The following DENND4B variants were observed in gnomAD, a reference collection of about 807,000 sequenced individuals.
DENND4B encodes DENN domain-containing protein 4B.
In DENND4B, 67 loss-of-function variants were observed where a neutral mutation model predicts 161.0. The ratio of observed to expected loss-of-function variants is 0.42; its 90% CI spans 0.34 to 0.51. The LOEUF (loss-of-function observed/expected upper bound fraction) is 0.51. DENND4B is among the 20% of genes least tolerant of loss of function. DENND4B has a pLI of 0.08. For synonymous variants in DENND4B, 753 were observed against 813.8 expected, an observed-to-expected ratio of 0.93 and a Z score of 1.27; for missense variants, 1,481 against 1,968.0, an observed-to-expected ratio of 0.75 and a Z score of 4.68.
chr1:153,942,432 T>A lies in DENND4B; in HGVS notation c.641-76A>T. On this transcript the variant is annotated intron_variant, in intron 4 of 27. Transcript: ENST00000361217. This position sits in a 1 kb window ranked among gnomAD's most constrained non-coding sequence, Gnocchi z 6.9. ...ACTCCAAGGGAAATGAACCAAGGGA[T>A]CCCAGAGAAGGCCCGAGTAGCAAAG... 1 of 1,578,212 alleles carries A rather than the reference T, an allele frequency of 6.3e-7. No individual in the cohort carries two copies. The highest frequency in any genetic ancestry group is 8.6e-7 in the Non-Finnish European group (1 of 1,161,724).
chr1:153,935,318 G>A (rs950055172), intron 17 of DENND4B: 9 of 270,230 alleles, frequency 3.3e-5, no homozygotes, highest in African/African-American at 1.1e-4. Context: ...GCCTGAATTC[G>A]GGAGATATGG....
chr1:153,945,164 G>A (rs1679892410), intron 1 of DENND4B: 1 of 1,289,402 alleles, frequency 7.8e-7, no homozygotes, highest in Non-Finnish European at 1.0e-6. Context: ...CCGGGGAGTA[G>A]GAGCCCCAAG....
rs754352012 is a variant in DENND4B, at chr1:153,939,651, C to T, written c.1757G>A (p.Arg586His). 7.4e-6 allele frequency: 12 copies of T among 1,613,578 alleles called. No individual in the cohort carries two copies. The Admixed American group carries it at 1.0e-4, about 13-fold the overall frequency. ...CTCGGAGGGGGCCTGGGTGAGTGGG[C>T]GCAGGAAGACCCGGTAGCCCTTGAG... ...CLLKGYRVFL[R>H]PLTQAPSEGA... Residue 586 changes from arginine (R) to histidine (H), a missense_variant, in exon 12 of 28, where the codon CGC becomes CAC. Around this residue, in one of 3 missense-constraint regions of DENND4B, gnomAD observed 806 missense variants for 1,134.4 expected, o/e 0.71. Coordinates refer to ENST00000361217, the MANE Select transcript of DENND4B (RefSeq NM_014856.3).
At position 153,937,659 on chromosome 1, in the gene DENND4B, C is replaced by CGAA. The variant is rs768289231; in HGVS notation, c.2106-48_2106-46dup. ...CAACATCGGGGCAGTCAGCACAGGG[C>CGAA]GAAGCGAGTTGGACTGGACCAGTCT... is the stretch of plus-strand genomic sequence containing the variant. On this transcript the variant is annotated intron_variant, in intron 14 of 27. Coordinates refer to ENST00000361217, the MANE Select transcript of DENND4B (RefSeq NM_014856.3). The surrounding 1 kb of genome is among the most constrained non-coding windows in gnomAD (Gnocchi z 4.7). 5.6e-6 allele frequency: 9 copies of CGAA among 1,612,366 alleles called. No individual in the cohort carries two copies. The highest frequency in any genetic ancestry group is 7.6e-6 in the Non-Finnish European group (9 of 1,178,714).
chr1:153,930,363 C>G lies in DENND4B; in HGVS notation c.4425G>C (p.Arg1475=), dbSNP rs758354105. The change falls in exon 28 of 28, where the codon CGG becomes CGC. Residue 1475 remains arginine, a synonymous_variant. Transcript: ENST00000361217. This position sits in a 1 kb window ranked among gnomAD's most constrained non-coding sequence, Gnocchi z 4.7. ...SMGKEELRHR[R]AQMPTPKAID... is the part of the protein sequence containing the mutation. ...TGGCCTTGGGAGTGGGCATCTGCGCCCGCCGGTGCCTCAGCTCCTCCTTGC... is the reference window on the plus strand; with the variant it reads ...TGGCCTTGGGAGTGGGCATCTGCGCGCGCCGGTGCCTCAGCTCCTCCTTGC... 11 of 1,614,054 alleles carry G rather than the reference C, an allele frequency of 6.8e-6. No homozygotes were observed. The East Asian group carries it at 2.0e-4, about 29-fold the overall frequency.
chr1:153,937,905 C>T lies in DENND4B; in HGVS notation c.1966-42G>A. The T allele has an allele frequency of 6.2e-7, 1 of 1,613,104 alleles. No homozygotes were observed. Among genetic ancestry groups the T allele is most frequent in the Non-Finnish European group, 8.5e-7 (1 of 1,179,448 alleles). ...AGAGAGCAAGTGTTGAGATGGTGGG[C>T]ATGGAGCAGAGCCAGGGTGTCTAGA... On this transcript the variant is annotated intron_variant, in intron 13 of 27. Coordinates refer to ENST00000361217, the MANE Select transcript of DENND4B (RefSeq NM_014856.3). This position sits in a 1 kb window ranked among gnomAD's most constrained non-coding sequence, Gnocchi z 4.7.
chr1:153,937,640 CG>C lies in DENND4B; in HGVS notation c.2106-27del, dbSNP rs1557852439. On this transcript the variant is annotated intron_variant, in intron 14 of 27. Transcript: ENST00000361217. The surrounding 1 kb of genome is among the most constrained non-coding windows in gnomAD (Gnocchi z 4.7). Reference sequence around the variant, plus strand: ...CTGGAGGGGCAGAGAGAAGCAACATCGGGGCAGTCAGCACAGGGCGAAGCGA... The same window carrying C: ...CTGGAGGGGCAGAGAGAAGCAACATCGGGCAGTCAGCACAGGGCGAAGCGA... 1 of 1,611,392 alleles carries C rather than the reference CG, an allele frequency of 6.2e-7. No individual in the cohort carries two copies. The highest frequency in any genetic ancestry group is 8.5e-7 in the Non-Finnish European group (1 of 1,178,118).
rs746459829 is a variant in DENND4B at position 153,934,164 on chromosome 1, T to C, written c.2912A>G (p.Gln971Arg). ...GGCCACACCGGCCTCCACAGTGGGC[T>C]GTGCCCCTCGGGCACTGCCCAGGCT... ...SGSLGSARGA[Q>R]PTVEAGVAHM... The change falls in exon 19 of 28, where the codon CAG becomes CGG. Residue 971 changes from glutamine (Q) to arginine (R), a missense_variant. Gln to Arg is a conservative substitution (Grantham distance 43). Transcript: ENST00000361217. The surrounding 1 kb of genome is among the most constrained non-coding windows in gnomAD (Gnocchi z 5.3). 2.5e-6 allele frequency: 4 copies of C among 1,586,566 alleles called. No homozygotes were observed. Among genetic ancestry groups the C allele is most frequent in the Non-Finnish European group, 3.4e-6 (4 of 1,172,450 alleles).
In DENND4B at chr1:153,930,238, T is replaced by C; in HGVS notation, c.*59A>G. ...GAAGGCAACAGGGAAGCAGTTTAAC[T>C]CTAGAATCCCTTCTTCCTCACTTCC... On this transcript the variant is annotated 3_prime_UTR_variant, in exon 28 of 28. Coordinates refer to ENST00000361217, the MANE Select transcript of DENND4B (RefSeq NM_014856.3). This position sits in a 1 kb window ranked among gnomAD's most constrained non-coding sequence, Gnocchi z 4.7. The C allele has an allele frequency of 6.4e-7, 1 of 1,565,358 alleles. No homozygotes were observed. The highest frequency in any genetic ancestry group is 8.7e-7 in the Non-Finnish European group (1 of 1,151,550).
In DENND4B at chr1:153,932,563, C is replaced by T. The variant is rs1276568564; in HGVS notation, c.3759+79G>A. On this transcript the variant is annotated intron_variant, in intron 23 of 27. Coordinates refer to ENST00000361217, the MANE Select transcript of DENND4B (RefSeq NM_014856.3). The surrounding 1 kb of genome is among the most constrained non-coding windows in gnomAD (Gnocchi z 5.8). ...CTTGCCCTCAAGGGCAAGAGATGTG[C>T]CCATCTCTCCCTGGCACCCCACAGG... 1.3e-6 allele frequency: 2 copies of T among 1,568,094 alleles called. No homozygotes were observed. Among genetic ancestry groups the T allele is most frequent in the Non-Finnish European group, 1.7e-6 (2 of 1,155,632 alleles).
chr1:153,940,445 G>T lies in DENND4B; in HGVS notation c.1488C>A (p.Thr496=), dbSNP rs755854205. 8.1e-6 allele frequency: 13 copies of T among 1,612,386 alleles called. No individual in the cohort carries two copies. The highest frequency in any genetic ancestry group is 2.7e-5 in the African/African-American group (2 of 74,870). ...CAGCCTCTTACTGGAAGAGCGTGTT[G>T]GTATCAAGGTCTACACAGATGACAT... ...PADVICVDLD[T]NTLFQTEEKK... is the part of the protein sequence containing the mutation. Residue 496 remains threonine, a synonymous_variant, in exon 10 of 28, where the codon ACC becomes ACA. Transcript: ENST00000361217. The surrounding 1 kb of genome is among the most constrained non-coding windows in gnomAD (Gnocchi z 5.6).
At position 153,941,983 on chromosome 1, in the gene DENND4B, C is replaced by T. The variant is rs1679698609; in HGVS notation, c.941G>A (p.Ser314Asn). The T allele has an allele frequency of 2.5e-6, 4 of 1,612,280 alleles. No homozygotes were observed. In the African/African-American group the frequency reaches 4.0e-5, roughly 16 times the overall value. The change falls in exon 6 of 28, where the codon AGC becomes AAC. Residue 314 changes from serine to asparagine, a missense_variant. Physicochemically the swap from Ser to Asn is conservative, Grantham distance 46. This residue lies in a region of DENND4B where 806 missense variants were observed against 1,134.4 expected (regional missense o/e 0.71). Transcript: ENST00000361217. ...GRALGGRAVR[S>N]RRAIAVLSRW... ...GGACAGCACAGCGATGGCACGCCGG[C>T]TGCGCACAGCTCTGCCCCCCAGTGC...
intron 12 of DENND4B, 95 bp downstream of exon 12, chr1:153,939,494 A>G: frequency 7.4e-7 from 1 of 1,346,022 alleles, no homozygotes. Flanking sequence ...TAAACAATGG[A>G]GTGGCTCCCA....
At position 153,944,377 on chromosome 1, in the gene DENND4B, C is replaced by A. The variant is rs750171042; in HGVS notation, c.-3G>T. The A allele has an allele frequency of 6.3e-7, 1 of 1,587,510 alleles. No homozygotes were observed. The highest frequency in any genetic ancestry group is 1.1e-5 in the South Asian group (1 of 87,532). ...CGGGGGGGCCGCTCCTCCGCCATGGCCCCCCCCTCACTCACTGCATCTGGA... is the reference window on the plus strand; with the variant it reads ...CGGGGGGGCCGCTCCTCCGCCATGGACCCCCCCTCACTCACTGCATCTGGA... On this transcript the variant is annotated 5_prime_UTR_variant, in exon 2 of 28. Coordinates refer to ENST00000361217, the MANE Select transcript of DENND4B (RefSeq NM_014856.3). This position sits in a 1 kb window ranked among gnomAD's most constrained non-coding sequence, Gnocchi z 4.8.
At chr1:153,939,978 T>TTTCCC (rs1314457965) in intron 11 of DENND4B, 174 bp from the exon 12 acceptor site, 1 of 814,746 alleles carries the variant, frequency 1.2e-6, no homozygotes, top group African/African-American at 1.7e-5. Context: ...TGTTCAGGAA[T>TTTCCC]ACTGTCTGCC....
Position 153,942,631 on chromosome 1 carries a change from C to T in DENND4B, c.571-6G>A, listed in dbSNP as rs1422282665. 8 of 1,584,828 alleles carry T rather than the reference C, an allele frequency of 5.0e-6. No individual in the cohort carries two copies. The Admixed American group carries it at 1.1e-4, about 22-fold the overall frequency. ...AGGTACACTGCTGGGCCCCACTACC[C>T]CAGAAATGGCAAGAGACAAGCAGAT... On this transcript the variant is annotated splice_region_variant and splice_polypyrimidine_tract_variant and intron_variant, in intron 3 of 27. Transcript: ENST00000361217. The surrounding 1 kb of genome is among the most constrained non-coding windows in gnomAD (Gnocchi z 6.9).
chr1:153,938,875 T>A, intron 13 of DENND4B, 25 bp downstream of exon 13: 1 of 1,565,052 alleles, frequency 6.4e-7, no homozygotes, highest in Non-Finnish European at 8.7e-7. Context: ...CAGAGGCCAA[T>A]GAGCACATAG....
In DENND4B at chr1:153,934,139, G is replaced by A. The variant is rs1679162974; in HGVS notation, c.2937C>T (p.Ala979=). Residue 979 remains alanine, a synonymous_variant, in exon 19 of 28, where the codon GCC becomes GCT. Transcript: ENST00000361217. The surrounding 1 kb of genome is among the most constrained non-coding windows in gnomAD (Gnocchi z 5.3). ...GAQPTVEAGV[A]HMIEALGVLE... ...GAGCCAGACAAGGGCACTCACTGTGGGCCACACCGGCCTCCACAGTGGGCT... is the reference window on the plus strand; with the variant it reads ...GAGCCAGACAAGGGCACTCACTGTGAGCCACACCGGCCTCCACAGTGGGCT... The A allele has an allele frequency of 6.4e-7, 1 of 1,564,284 alleles. No individual in the cohort carries two copies. The highest frequency in any genetic ancestry group is 2.3e-5 in the East Asian group (1 of 44,116).
At position 153,933,801 on chromosome 1, in the gene DENND4B, G is replaced by A. The variant is rs756087625; in HGVS notation, c.3012C>T (p.Asp1004=). 6 of 1,612,794 alleles carry A rather than the reference G, an allele frequency of 3.7e-6. No homozygotes were observed. Among genetic ancestry groups the A allele is most frequent in the Non-Finnish European group, 5.1e-6 (6 of 1,179,642 alleles). Residue 1004 remains aspartate (D), a synonymous_variant, in exon 20 of 28, where the codon GAC becomes GAT. Coordinates refer to ENST00000361217, the MANE Select transcript of DENND4B (RefSeq NM_014856.3). This position sits in a 1 kb window ranked among gnomAD's most constrained non-coding sequence, Gnocchi z 5.7. ...GCGGCTCCTCCCCTGTCAGGCTCAG[G>A]TCTGAGAGACTTCCATCGTGCCAGG... The part of the protein sequence containing the change: ...PVPWHDGSLS[D]LSLTGEEPLP...
Sources: allele counts gnomAD v4.1 joint callset, GRCh38; gene constraint gnomAD v4.1.1; regional missense constraint gnomAD v4.1.1; non-coding constraint Gnocchi (gnomAD v3.1); transcripts MANE v1.5; gene names NCBI Gene and HGNC (gene_info 2026-07-23, HGNC 2026-07-21).